The following NDUFV2 variants were observed in gnomAD, a reference collection of about 807,000 sequenced individuals.
NDUFV2 encodes NADH:ubiquinone oxidoreductase core subunit V2, also known as NADH dehydrogenase [ubiquinone] flavoprotein 2, mitochondrial.
NDUFV2 carries 18 observed loss-of-function variants against 31.6 expected under a neutral mutation model. That is an observed-to-expected ratio of 0.57 (90% CI 0.39 to 0.84). The LOEUF is 0.84. Among genes scored for constraint, NDUFV2 ranks in the 40% least tolerant of loss-of-function variants. The pLI is 0.00. For missense variants in NDUFV2, 314 were observed against 303.6 expected, an observed-to-expected ratio of 1.03 and a Z score of -0.26; for synonymous variants, 83 against 99.8, an observed-to-expected ratio of 0.83 and a Z score of 1.01.
intron 5 of NDUFV2, among the ~76,000 whole-genome samples, chr18:9,123,890 G>C (rs2077962779): frequency 6.6e-6 from 1 of 152,192 alleles, no homozygotes; most frequent in Admixed American, 6.5e-5. Flanking sequence ...AAGTAGAATT[G>C]TAGGGTCAGA....
chr18:9,119,299 G>C, intron 2 of NDUFV2, 27 bp from the exon 3 acceptor site: 1 of 1,572,654 alleles, frequency 6.4e-7, no homozygotes, highest in Non-Finnish European at 8.8e-7. Flanking sequence ...ATTTGGATAA[G>C]TCTGAAAAAC....
chr18:9,119,944 G>A (rs2077922905), intron 4 of NDUFV2, among the ~76,000 whole-genome samples: 1 of 151,952 alleles, frequency 6.6e-6, no homozygotes, highest in African/African-American at 2.4e-5. Context: ...TTACAGAAAA[G>A]AAGATCTGCT....
At chr18:9,130,226 CTG>C (rs769525691) in intron 7 of NDUFV2, among the ~76,000 whole-genome samples, 14 of 152,256 alleles carry the variant, frequency 9.2e-5, no homozygotes, top group Middle Eastern at 3.4e-3. Flanking sequence ...AAATTAAAAT[CTG>C]TTATTTGTAA....
chr18:9,103,048 G>GATAT (rs148124234), intron 1 of NDUFV2: 3 of 472,890 alleles, frequency 6.3e-6, no homozygotes, highest in Admixed American at 4.1e-5. Flanking sequence ...GCTGCTTGGT[G>GATAT]ATATATATAT....
At chr18:9,118,788 T>C (rs747226227) in intron 2 of NDUFV2, among the ~76,000 whole-genome samples, 4 of 148,244 alleles carry the variant, frequency 2.7e-5, no homozygotes, top group South Asian at 2.1e-4. Context: ...TTGGCTATTA[T>C]GGAAAACGTG....
At chr18:9,103,841 G>A (rs371955221) in intron 1 of NDUFV2, 1 of 271,142 alleles carries the variant, frequency 3.7e-6, no homozygotes, top group South Asian at 5.9e-5. Flanking sequence ...TTAACAGTGT[G>A]GATAATAATG....
chr18:9,111,006 T>C (rs1006600122), intron 1 of NDUFV2, among the ~76,000 whole-genome samples: 72 of 152,304 alleles, frequency 4.7e-4, no homozygotes, highest in African/African-American at 1.6e-3. Flanking sequence ...AACAGGAGCA[T>C]TGTAAGCCAA....
At chr18:9,133,802 C>T (rs961555922) in intron 7 of NDUFV2, among the ~76,000 whole-genome samples, 1 of 152,068 alleles carries the variant, frequency 6.6e-6, no homozygotes, top group African/African-American at 2.4e-5. Flanking sequence ...GTATTTTTGC[C>T]GTAGTTCTTT....
intron 6 of NDUFV2, among the ~76,000 whole-genome samples, chr18:9,126,320 A>G (rs1177691582): frequency 6.6e-6 from 1 of 152,196 alleles, no homozygotes; most frequent in African/African-American, 2.4e-5. Flanking sequence ...ACACTGTTCT[A>G]CTTTATATAT....
chr18:9,112,940 T>C (rs1446128538), intron 1 of NDUFV2, among the ~76,000 whole-genome samples: 1 of 152,220 alleles, frequency 6.6e-6, no homozygotes, highest in Non-Finnish European at 1.5e-5. Flanking sequence ...ATATATTATA[T>C]ATGTTAACCC....
At chr18:9,123,567 C>T (rs986619325) in intron 5 of NDUFV2, among the ~76,000 whole-genome samples, 2 of 151,966 alleles carry the variant, frequency 1.3e-5, no homozygotes, top group African/African-American at 4.8e-5. Flanking sequence ...CTCACTGCAG[C>T]CTCCAATTCC....
chr18:9,119,582 A>G lies in NDUFV2; in HGVS notation c.292A>G (p.Met98Val), dbSNP rs757598928. The change falls in exon 4 of 8, where the codon ATG becomes GTG. Residue 98 changes from methionine to valine, a missense_variant. Met to Val is a conservative substitution (Grantham distance 21, BLOSUM62 1). Transcript: ENST00000318388. ...RQNGWLPISA[M>V]NKVAEVLQVP... ...GAATGGGTGGTTGCCCATCTCTGCT[A>G]TGAACAAGGTACTGGATTCATTTTT... 2 of 1,611,358 alleles carry G rather than the reference A, an allele frequency of 1.2e-6. No individual in the cohort carries two copies. The highest frequency in any genetic ancestry group is 2.2e-5 in the East Asian group (1 of 44,844).
intron 1 of NDUFV2, among the ~76,000 whole-genome samples, chr18:9,109,447 T>C (rs2077858614): frequency 6.6e-6 from 1 of 152,324 alleles, no homozygotes; most frequent in Non-Finnish European, 1.5e-5. Flanking sequence ...AAATGTCTGA[T>C]AGAACTGAAA....
Position 9,126,917 on chromosome 18 carries a change from ATTTAT to A in NDUFV2, c.656+11_656+15del. On this transcript the variant is annotated intron_variant, in intron 7 of 7. Transcript: ENST00000318388. ...CAAAACCAGGGCCAAGGTATGCTTT[ATTTAT>A]ATATAGGAAGTTTTAGTGGCTCACC... 2 of 1,609,274 alleles carry A rather than the reference ATTTAT, an allele frequency of 1.2e-6. No individual in the cohort carries two copies. The highest frequency in any genetic ancestry group is 2.7e-5 in the African/African-American group (2 of 74,936).
At chr18:9,118,356 A>T (rs1335489409) in intron 2 of NDUFV2, among the ~76,000 whole-genome samples, 1 of 152,134 alleles carries the variant, frequency 6.6e-6, no homozygotes, top group Non-Finnish European at 1.5e-5. Context: ...AACTCCCCAG[A>T]TTAGTTGCAC....
chr18:9,133,540 C>T (rs961091329), intron 7 of NDUFV2: 1 of 152,222 alleles, frequency 6.6e-6, no homozygotes, highest in Non-Finnish European at 1.5e-5. Flanking sequence ...CAGAAAATTA[C>T]TACTACTAAT....
intron 1 of NDUFV2, among the ~76,000 whole-genome samples, chr18:9,110,150 A>G (rs2077862884): frequency 1.3e-5 from 2 of 152,190 alleles, no homozygotes; most frequent in African/African-American, 4.8e-5. Flanking sequence ...AACTCAGCTT[A>G]TTCTTTGAAT....
At chr18:9,112,019 T>TC (rs1330483245) in intron 1 of NDUFV2, among the ~76,000 whole-genome samples, 1 of 146,710 alleles carries the variant, frequency 6.8e-6, no homozygotes, top group African/African-American at 2.5e-5. Flanking sequence ...TCAGAAGGGT[T>TC]TTTTTTTTTT....
At chr18:9,114,099 A>C (rs2077885172) in intron 1 of NDUFV2, among the ~76,000 whole-genome samples, 1 of 151,732 alleles carries the variant, frequency 6.6e-6, no homozygotes, top group South Asian at 2.1e-4. Context: ...AGATGGTCTT[A>C]AACAAAAGCT....
Sources: gnomAD v4.1 joint callset for allele counts (sites outside exome capture counted in the v4.1 genomes callset) on GRCh38, gnomAD v4.1.1 for gene constraint, MANE v1.5 for transcripts, NCBI Gene and HGNC (gene_info 2026-07-23, HGNC 2026-07-21) for gene names.